CTNNA2: variants seen among roughly 807,000 people sequenced by gnomAD.
CTNNA2 encodes the protein catenin alpha-2.
Under a neutral mutation model 101.0 loss-of-function variants are expected in CTNNA2, and 42 were observed. The ratio of observed to expected loss-of-function variants is 0.42; its 90% confidence interval spans 0.32 to 0.54. CTNNA2 has a LOEUF of 0.54. CTNNA2 is among the 20% of genes least tolerant of loss of function. The pLI, the probability that CTNNA2 is intolerant of heterozygous loss-of-function variation, is 0.14. For synonymous variants in CTNNA2, 450 were observed against 456.4 expected (o/e 0.99, Z 0.18); for missense variants, 871 against 1,223.1 (o/e 0.71, Z 4.29).
At chr2:79,726,208 T>C (rs2104892288) in intron 2 of CTNNA2, among the ~76,000 whole-genome samples, 1 of 152,330 alleles carries the variant, frequency 6.6e-6, no homozygotes, top group African/African-American at 2.4e-5. Context: ...AGCTTTCTTT[T>C]GGTCCATCAG....
chr2:80,244,148 A>G (rs1186444604), intron 7 of CTNNA2, among the ~76,000 whole-genome samples: 1 of 152,236 alleles, frequency 6.6e-6, no homozygotes, highest in African/African-American at 2.4e-5. Context: ...TTTGCAGTAT[A>G]GTGTTTGTCA....
At chr2:79,925,073 T>G (rs1297437738) in intron 7 of CTNNA2, among the ~76,000 whole-genome samples, 1 of 152,072 alleles carries the variant, frequency 6.6e-6, no homozygotes, top group African/African-American at 2.4e-5. Context: ...TGTTATTATC[T>G]CAACCATTTT....
chr2:79,970,539 G>T (rs574808192), intron 7 of CTNNA2, among the ~76,000 whole-genome samples: 1 of 152,292 alleles, frequency 6.6e-6, no homozygotes, highest in Admixed American at 6.5e-5. Flanking sequence ...CTACGGGGCT[G>T]CATGTTTTGC....
chr2:80,213,454 C>A (rs1456701402), intron 7 of CTNNA2, among the ~76,000 whole-genome samples: 3 of 152,134 alleles, frequency 2.0e-5, no homozygotes, highest in Non-Finnish European at 4.4e-5. Flanking sequence ...TTTATTTCTG[C>A]CTTCATTTCA....
chr2:79,426,911 T>A (rs1478045021), intron 4 of CTNNA2, among the ~76,000 whole-genome samples: 14 of 152,122 alleles, frequency 9.2e-5, no homozygotes, highest in Admixed American at 9.2e-4. Context: ...TGTTACTGAT[T>A]GCTTATTAGA....
At chr2:79,899,620 T>G (rs1684950351) in intron 6 of CTNNA2, among the ~76,000 whole-genome samples, 1 of 152,272 alleles carries the variant, frequency 6.6e-6, no homozygotes, top group Admixed American at 6.5e-5. Context: ...TGCTGTTTAA[T>G]TATTAAGTCA....
intron 1 of CTNNA2, among the ~76,000 whole-genome samples, chr2:79,632,395 G>GA (rs555852407): frequency 7.2e-5 from 11 of 151,918 alleles, no homozygotes; most frequent in African/African-American, 2.7e-4. Flanking sequence ...AAATTTTAAT[G>GA]AAAAAAAATC....
Position 80,454,489 on chromosome 2 carries a change from T to A in CTNNA2, c.1290+34888T>A, listed in dbSNP as rs1574076943. Among the ~76,000 whole-genome samples the A allele has an allele frequency of 3.3e-5, 5 of 152,308 alleles. No homozygotes were observed. The South Asian group carries it at 1.0e-3, about 32-fold the overall frequency. On this transcript the variant is annotated intron_variant, in intron 9 of 18. Transcript: ENST00000402739. ...AAAGAGACAATATGTGCCTGGCTGTTGGTGATAATCAGCCATTTAATACTA... is the reference window on the plus strand; with the variant it reads ...AAAGAGACAATATGTGCCTGGCTGTAGGTGATAATCAGCCATTTAATACTA...
chr2:80,043,022 T>C (rs181782737), intron 7 of CTNNA2, among the ~76,000 whole-genome samples: 456 of 44,220 alleles, frequency 0.01, 5 homozygotes, highest in Admixed American at 0.022. Context: ...TCTTTCCCTT[T>C]CTTTCTTTCT....
intron 1 of CTNNA2, among the ~76,000 whole-genome samples, chr2:79,560,540 G>T (rs1674712308): frequency 6.6e-6 from 1 of 151,934 alleles, no homozygotes; most frequent in African/African-American, 2.4e-5. Context: ...GGAGTATGTG[G>T]CAGGTGCAGA....
At chr2:80,392,293 A>G (rs190644533) in intron 7 of CTNNA2, among the ~76,000 whole-genome samples, 1 of 152,336 alleles carries the variant, frequency 6.6e-6, no homozygotes, top group East Asian at 1.9e-4. Flanking sequence ...TGCCACTAGC[A>G]CCATAAATAA....
chr2:79,241,838 T>G (rs1674628811), intron 2 of CTNNA2, among the ~76,000 whole-genome samples: 1 of 152,124 alleles, frequency 6.6e-6, no homozygotes, highest in Non-Finnish European at 1.5e-5. Context: ...AAGTGCAGGG[T>G]TAGGAGACTA....
rs559425758 is a variant in CTNNA2 at position 80,473,217 on chromosome 2, C to T, written c.1290+53616C>T. On this transcript the variant is annotated intron_variant, in intron 9 of 18. Coordinates refer to ENST00000402739, the MANE Select transcript of CTNNA2 (RefSeq NM_001282597.3). ...ACTCCCCAGGCCTCAGGCTCCTCAG[C>T]GATTGAGCTGGAAGCCAGATCATTC... Among the ~76,000 whole-genome samples, 23 of 152,252 alleles carry T rather than the reference C, an allele frequency of 1.5e-4. No individual in the cohort carries two copies. In the South Asian group the frequency reaches 2.9e-3, roughly 19 times the overall value.
chr2:79,696,415 T>C (rs1684656981), intron 2 of CTNNA2, among the ~76,000 whole-genome samples: 1 of 152,040 alleles, frequency 6.6e-6, no homozygotes, highest in South Asian at 2.1e-4. Flanking sequence ...GAAGACTCTG[T>C]CAACAGGTTT....
chr2:79,237,619 T>A (rs979462420), intron 2 of CTNNA2, among the ~76,000 whole-genome samples: 18 of 152,350 alleles, frequency 1.2e-4, no homozygotes, highest in Middle Eastern at 3.4e-3. Context: ...TGAAAACCTC[T>A]TGCTTAGTTT....
intron 8 of CTNNA2, among the ~76,000 whole-genome samples, chr2:80,410,657 G>A (rs1363839624): frequency 2.0e-5 from 3 of 152,158 alleles, no homozygotes; most frequent in Non-Finnish European, 2.9e-5. Context: ...AACCATTCTA[G>A]TAGTCAATTT....
intron 9 of CTNNA2, among the ~76,000 whole-genome samples, chr2:80,441,181 G>A (rs1259897464): frequency 6.6e-6 from 1 of 152,174 alleles, no homozygotes; most frequent in African/African-American, 2.4e-5. Context: ...GAAAGAGCCA[G>A]GATATTTGTG....
At chr2:79,283,841 A>G (rs902093426) in intron 2 of CTNNA2, among the ~76,000 whole-genome samples, 2 of 113,912 alleles carry the variant, frequency 1.8e-5, no homozygotes, top group African/African-American at 6.3e-5. Flanking sequence ...TCAGTAAATT[A>G]CCTTGGGCAG....
At chr2:80,161,817 G>A (rs1295930627) in intron 7 of CTNNA2, among the ~76,000 whole-genome samples, 2 of 152,068 alleles carry the variant, frequency 1.3e-5, no homozygotes, top group African/African-American at 4.8e-5. Context: ...AACTTCCTGA[G>A]TGACTTATAC....
Sources: gnomAD v4.1 joint callset for allele counts (sites outside exome capture counted in the v4.1 genomes callset) on GRCh38, gnomAD v4.1.1 for gene constraint, MANE v1.5 for transcripts, NCBI Gene and HGNC (gene_info 2026-07-23, HGNC 2026-07-21) for gene names.